The following MYH14 variants were observed in gnomAD, a reference collection of about 807,000 sequenced individuals.
MYH14 encodes the protein myosin-14.
Under a neutral mutation model 255.5 loss-of-function variants are expected in MYH14, and 123 were observed. The ratio of observed to expected loss-of-function variants is 0.48; its 90% confidence interval spans 0.42 to 0.56. MYH14 has a LOEUF of 0.56. Among genes scored for constraint, MYH14 ranks in the 20% least tolerant of loss-of-function variants. The pLI is 0.00. For missense variants in MYH14, 2,423 were observed against 2,802.3 expected (o/e 0.86, Z 3.06); for synonymous variants, 1,095 against 1,161.2 (o/e 0.94, Z 1.16).
At chr19:50,217,589 AC>A in intron 2 of MYH14, 25 bp from the exon 3 acceptor site, 28 of 1,613,756 alleles carry the variant, frequency 1.7e-5, no homozygotes, top group Non-Finnish European at 2.4e-5. Flanking sequence ...GCCATCTGAG[AC>A]CCTCTCCCCT....
chr19:50,207,450 A>C (rs1568458711), intron 1 of MYH14, among the ~76,000 whole-genome samples: 1 of 151,822 alleles, frequency 6.6e-6, no homozygotes. Context: ...GGCCTAACAC[A>C]TTCTAGTTCC....
Position 50,281,761 on chromosome 19 carries a change from G to A in MYH14, c.4458G>A (p.Glu1486=). The change falls in exon 33 of 43, where the codon GAG becomes GAA. Residue 1486 remains glutamate, a synonymous_variant. Transcript: ENST00000642316. ...LERGRRRLQQ[E]LDDATMDLEQ... ...GGGGCCGCCGCCGGCTGCAGCAGGA[G>A]CTGGACGACGCCACCATGGACCTGG... is the stretch of plus-strand genomic sequence containing the variant. 1.2e-6 allele frequency: 2 copies of A among 1,612,496 alleles called. No individual in the cohort carries two copies. Among genetic ancestry groups the A allele is most frequent in the South Asian group, 1.1e-5 (1 of 91,036 alleles).
chr19:50,279,708 G>A (rs2035641019), intron 30 of MYH14, among the ~76,000 whole-genome samples: 1 of 152,226 alleles, frequency 6.6e-6, no homozygotes, highest in Admixed American at 6.5e-5. Flanking sequence ...CCGTTGTATG[G>A]ATATTCCACA....
chr19:50,277,505 G>T (rs776119764), intron 29 of MYH14, among the ~76,000 whole-genome samples: 1 of 152,064 alleles, frequency 6.6e-6, no homozygotes, highest in Non-Finnish European at 1.5e-5. Flanking sequence ...CTACTTGAGA[G>T]GCTGAGGCAG....
At position 50,269,778 on chromosome 19, in the gene MYH14, A is replaced by G. The variant is rs145272786; in HGVS notation, c.3033+1411A>G. Among the ~76,000 whole-genome samples the G allele has an allele frequency of 2.8e-3, 420 of 152,260 alleles. 3 individuals are homozygous for G. Among genetic ancestry groups the G allele is most frequent in the African/African-American group, 9.2e-3 (384 of 41,542 alleles). ...GGCAGGGAGCTGGAATGTGCTTCTCAGGGATAAGCAGGCACTGTGCCTGGT... is the reference window on the plus strand; with the variant it reads ...GGCAGGGAGCTGGAATGTGCTTCTCGGGGATAAGCAGGCACTGTGCCTGGT... On this transcript the variant is annotated intron_variant, in intron 24 of 42. Coordinates refer to ENST00000642316, the MANE Select transcript of MYH14 (RefSeq NM_001145809.2).
rs778739770 is a variant in MYH14, at chr19:50,273,290, CAAAAAAAAAAA to C, written c.3467+575_3467+585del. ...TGGGCAACAGAGCAAGACTATGTCTCAAAAAAAAAAAAAAAAAAAAAAAAAAGAGCTATTTC... is the reference window on the plus strand; with the variant it reads ...TGGGCAACAGAGCAAGACTATGTCTCAAAAAAAAAAAAAAAGAGCTATTTC... On this transcript the variant is annotated intron_variant, in intron 27 of 42. Coordinates refer to ENST00000642316, the MANE Select transcript of MYH14 (RefSeq NM_001145809.2). Among the ~76,000 whole-genome samples the C allele has an allele frequency of 5.1e-5, 4 of 78,652 alleles. No homozygotes were observed. In the East Asian group the frequency reaches 1.7e-3, roughly 33 times the overall value. The allele number at this position is 78,652 out of a possible 152,430, so 51.6% of individuals were successfully genotyped here.
intron 5 of MYH14, 94 bp from the exon 6 acceptor site, chr19:50,224,060 T>G: frequency 2.6e-6 from 1 of 390,840 alleles, no homozygotes. Context: ...CCACCCCCCA[T>G]GCCACCACCT....
At chr19:50,206,671 G>A (rs1361565125) in intron 1 of MYH14, among the ~76,000 whole-genome samples, 1 of 152,140 alleles carries the variant, frequency 6.6e-6, no homozygotes, top group Admixed American at 6.5e-5. Context: ...CCTCTCAGCG[G>A]AGCTGGGATT....
chr19:50,301,504 T>A (rs1178455364), intron 39 of MYH14, among the ~76,000 whole-genome samples, 157 bp from the exon 40 acceptor site: 1 of 152,206 alleles, frequency 6.6e-6, no homozygotes, highest in Non-Finnish European at 1.5e-5. Context: ...TTAATAAAAA[T>A]ACAAGCTAAC....
In MYH14 at chr19:50,208,455, CA is replaced by C. The variant is rs1362364180; in HGVS notation, c.-3-1901del. Among the ~76,000 whole-genome samples the C allele has an allele frequency of 6.1e-5, 8 of 130,268 alleles. No homozygotes were observed. In the East Asian group the frequency reaches 8.7e-4, roughly 14 times the overall value. The allele number at this position is 130,268 out of a possible 152,430, so 85.5% of individuals were successfully genotyped here. A position where few individuals can be genotyped will look rare whatever the true frequency, so the allele number is the denominator to read the frequency against. Reference sequence around the variant, plus strand: ...ACAAACAAACAAACAAACAAACAAACAAAAAAACCCAACAAACCCACCAAAC... The same window carrying C: ...ACAAACAAACAAACAAACAAACAAACAAAAAACCCAACAAACCCACCAAAC... On this transcript the variant is annotated intron_variant, in intron 1 of 42. Coordinates refer to ENST00000642316, the MANE Select transcript of MYH14 (RefSeq NM_001145809.2).
Position 50,252,574 on chromosome 19 carries a change from C to T in MYH14, c.1831-65C>T. The stretch of plus-strand genomic sequence containing the variant: ...GAGTCTCAGAGCTTCTGGAAGGCTC[C>T]TTAGGAAATCCAGAGAATGTCTGAG... On this transcript the variant is annotated intron_variant, in intron 15 of 42. Coordinates refer to ENST00000642316, the MANE Select transcript of MYH14 (RefSeq NM_001145809.2). The surrounding 1 kb of genome is among the most constrained non-coding windows in gnomAD (Gnocchi z 4.2). 3 of 1,179,504 alleles carry T rather than the reference C, an allele frequency of 2.5e-6. No individual in the cohort carries two copies. Among genetic ancestry groups the T allele is most frequent in the East Asian group, 2.6e-5 (1 of 39,118 alleles). The allele number at this position is 1,179,504 out of a possible 1,614,324, so 73.1% of individuals were successfully genotyped here. A position where few individuals can be genotyped will look rare whatever the true frequency, so the allele number is the denominator to read the frequency against.
intron 40 of MYH14, among the ~76,000 whole-genome samples, chr19:50,302,803 G>A (rs2036536757): frequency 6.6e-6 from 1 of 152,114 alleles, no homozygotes; most frequent in Non-Finnish European, 1.5e-5. Flanking sequence ...TCGGGAGGCT[G>A]AGGCAGGAGA....
rs892643955 is a variant in MYH14, at chr19:50,281,622, A to G, written c.4319A>G (p.Glu1440Gly). 1.3e-6 allele frequency: 2 copies of G among 1,597,504 alleles called. No individual in the cohort carries two copies. Among genetic ancestry groups the G allele is most frequent in the Non-Finnish European group, 1.7e-6 (2 of 1,171,388 alleles). Residue 1440 changes from glutamate to glycine, a missense_variant, in exon 33 of 43, where the codon GAG (glutamate) becomes GGG (glycine). By Grantham distance (98) the Glu-to-Gly change is moderately conservative. Coordinates refer to ENST00000642316, the MANE Select transcript of MYH14 (RefSeq NM_001145809.2). ...QLSEWRRRQEEEAGALEAGEE... is the reference protein window; with the variant it reads ...QLSEWRRRQEGEAGALEAGEE... ...TCCGAGTGGCGGCGGCGCCAGGAGGAGGAGGCAGGGGCACTGGAGGCAGGG... is the reference window on the plus strand; with the variant it reads ...TCCGAGTGGCGGCGGCGCCAGGAGGGGGAGGCAGGGGCACTGGAGGCAGGG...
intron 10 of MYH14, among the ~76,000 whole-genome samples, chr19:50,234,235 A>AG (rs1199049512): frequency 6.6e-6 from 1 of 152,028 alleles, no homozygotes; most frequent in African/African-American, 2.4e-5. Context: ...GCTTTTTAGG[A>AG]GGGGGTGGTG....
chr19:50,272,025 C>G (rs1416763715), intron 26 of MYH14, 53 bp downstream of exon 26: 2 of 1,581,704 alleles, frequency 1.3e-6, no homozygotes, highest in Non-Finnish European at 1.7e-6. Flanking sequence ...TGGGGGACCT[C>G]AGGCAAGCCC....
chr19:50,267,874 G>T (rs1373279340), intron 23 of MYH14, among the ~76,000 whole-genome samples: 2 of 152,106 alleles, frequency 1.3e-5, no homozygotes, highest in Non-Finnish European at 2.9e-5. Context: ...GCCTGTTGGG[G>T]CTGTAGGGAC....
In MYH14 at chr19:50,276,203, G is replaced by A. The variant is rs1478977152; in HGVS notation, c.3680G>A (p.Arg1227Gln). Residue 1227 changes from arginine (R) to glutamine (Q), a missense_variant and splice_region_variant, in exon 28 of 43, where the codon CGG becomes CAG. Physicochemically the swap from Arg to Gln is conservative, Grantham distance 43 (BLOSUM62 1). This residue lies in a region of MYH14 where 1,513 missense variants were observed against 1,674.8 expected (regional missense o/e 0.90). Transcript: ENST00000642316. The surrounding 1 kb of genome is among the most constrained non-coding windows in gnomAD (Gnocchi z 4.3). ...TCCACCAACGCACAGCAGGAGCTCCGGTGAGGCCCGGTGGCAGGCCGCTGT... is the reference window on the plus strand; with the variant it reads ...TCCACCAACGCACAGCAGGAGCTCCAGTGAGGCCCGGTGGCAGGCCGCTGT... ...LDSTNAQQEL[R>Q]SKREQEVTEL... 2.0e-6 allele frequency: 3 copies of A among 1,533,784 alleles called. No individual in the cohort carries two copies. Among genetic ancestry groups the A allele is most frequent in the African/African-American group, 1.4e-5 (1 of 72,818 alleles).
intron 10 of MYH14, among the ~76,000 whole-genome samples, chr19:50,236,899 A>G (rs1225370760): frequency 2.0e-5 from 3 of 152,188 alleles, no homozygotes; most frequent in East Asian, 1.9e-4. Flanking sequence ...AGTCACTTTT[A>G]GAACATTTTC....
intron 7 of MYH14, among the ~76,000 whole-genome samples, chr19:50,225,879 A>G (rs1188912719): frequency 1.9e-4 from 7 of 36,972 alleles, no homozygotes; most frequent in Admixed American, 7.5e-4. Context: ...TGGACTCTTG[A>G]GTCTGAGGGA....
Sources: allele counts gnomAD v4.1 joint callset (sites outside exome capture counted in the v4.1 genomes callset), GRCh38; gene constraint gnomAD v4.1.1; regional missense constraint gnomAD v4.1.1; non-coding constraint Gnocchi (gnomAD v3.1); transcripts MANE v1.5; gene names NCBI Gene and HGNC (gene_info 2026-07-23, HGNC 2026-07-21).